NT5DC3: variants seen among roughly 807,000 people sequenced by gnomAD.
The protein encoded by NT5DC3 is 5'-nucleotidase domain containing 3, also known as 5'-nucleotidase domain-containing protein 3.
Under a neutral mutation model 67.8 loss-of-function variants are expected in NT5DC3, and 42 were observed. The ratio of observed to expected loss-of-function variants is 0.62; its 90% CI spans 0.48 to 0.80. NT5DC3 has a LOEUF of 0.80. Among genes scored for constraint, NT5DC3 ranks in the 30% least tolerant of loss-of-function variants. The pLI is 0.00. For synonymous variants in NT5DC3, 237 were observed against 255.6 expected (o/e 0.93, Z 0.69); for missense variants, 570 against 696.4 (o/e 0.82, Z 2.04).
chr12:103,799,684 T>G (rs1180465174), intron 4 of NT5DC3, among the ~76,000 whole-genome samples: 1 of 151,906 alleles, frequency 6.6e-6, no homozygotes, highest in Non-Finnish European at 1.5e-5. Context: ...GGAAGCCCTG[T>G]GGCACCACCA....
At chr12:103,767,776 A>T (rs1332937159), downstream of NT5DC3, among the ~76,000 whole-genome samples, 1 of 151,860 alleles carries the variant, frequency 6.6e-6, no homozygotes, top group Admixed American at 6.6e-5. Flanking sequence ...GCCAGGTGTT[A>T]GGCACAGTTA....
intron 1 of NT5DC3, chr12:103,820,786 A>T (rs1295481043): frequency 6.6e-6 from 1 of 152,248 alleles, no homozygotes; most frequent in Non-Finnish European, 1.5e-5. Context: ...ACTTGCTCTC[A>T]TCGTTATCCC....
the NT5DC3 span, among the ~76,000 whole-genome samples, chr12:103,762,945 A>T: frequency 1.3e-5 from 2 of 152,212 alleles, no homozygotes; most frequent in African/African-American, 2.4e-5. Context: ...GCGGTTGAGC[A>T]TCTTTCCTTA....
At chr12:103,763,274 TTGG>T in the NT5DC3 span, 8 of 562,794 alleles carry the variant, frequency 1.4e-5, no homozygotes, top group Non-Finnish European at 2.2e-5. Flanking sequence ...ATGTGCCGAT[TTGG>T]TGGTGATCAC....
intron 4 of NT5DC3, among the ~76,000 whole-genome samples, chr12:103,801,584 T>G (rs548776967): frequency 5.7e-4 from 86 of 151,966 alleles, no homozygotes; most frequent in African/African-American, 2.1e-3. Flanking sequence ...GGTTTCACCA[T>G]GTTAGCCAGG....
the NT5DC3 span, among the ~76,000 whole-genome samples, chr12:103,765,120 G>C: frequency 1.3e-5 from 2 of 148,256 alleles, no homozygotes; most frequent in South Asian, 2.1e-4. Context: ...AAGGGAGGTG[G>C]TAAGTTCAGC....
chr12:103,812,110 A>G (rs1415416264), intron 2 of NT5DC3, among the ~76,000 whole-genome samples: 1 of 152,170 alleles, frequency 6.6e-6, no homozygotes, highest in Non-Finnish European at 1.5e-5. Flanking sequence ...AAAAATTTCC[A>G]TTTTTGTAAA....
At chr12:103,831,392 G>C (rs10861111) in intron 1 of NT5DC3, among the ~76,000 whole-genome samples, 3 of 151,950 alleles carry the variant, frequency 2.0e-5, no homozygotes, top group Non-Finnish European at 4.4e-5. Context: ...CCCAGTCTCC[G>C]GTATTTCTTC....
chr12:103,768,634 TGAGAGAGA>T (rs58287606), downstream of NT5DC3, among the ~76,000 whole-genome samples: 1 of 24,870 alleles, frequency 4.0e-5, no homozygotes, highest in Non-Finnish European at 7.7e-5. Context: ...GGAGAGGGAG[TGAGAGAGA>T]GAGAGAGAGA....
At position 103,799,319 on chromosome 12, in the gene NT5DC3, A is replaced by G. The variant is rs575780816; in HGVS notation, c.525-642T>C. Among the ~76,000 whole-genome samples, 3 of 152,318 alleles carry G rather than the reference A, an allele frequency of 2.0e-5. No homozygotes were observed. In the East Asian group the frequency reaches 5.8e-4, roughly 29 times the overall value. On this transcript the variant is annotated intron_variant, in intron 4 of 13. Coordinates refer to ENST00000392876, the MANE Select transcript of NT5DC3 (RefSeq NM_001031701.3). ...AATCTCATCTTGAATTGTAGCTCCT[A>G]TAATTCCCAGATTGTGGGAGGGACC...
At chr12:103,786,762 A>G (rs1437926708) in intron 11 of NT5DC3, among the ~76,000 whole-genome samples, 1 of 148,140 alleles carries the variant, frequency 6.8e-6, no homozygotes, top group East Asian at 2.0e-4. Flanking sequence ...AGCTCACTGC[A>G]GTTTCCACCT....
chr12:103,801,019 G>C lies in NT5DC3; in HGVS notation c.525-2342C>G, dbSNP rs112893960. ...TGTGGCTGTGAAAGGAACCACCCCAGCTTTTCACAAGGTTCCTAGTAAAAA... is the reference window on the plus strand; with the variant it reads ...TGTGGCTGTGAAAGGAACCACCCCACCTTTTCACAAGGTTCCTAGTAAAAA... On this transcript the variant is annotated intron_variant, in intron 4 of 13. Transcript: ENST00000392876. Among the ~76,000 whole-genome samples, 454 of 152,194 alleles carry C rather than the reference G, an allele frequency of 3.0e-3. 6 individuals are homozygous for C. The highest frequency in any genetic ancestry group is 1.8e-3 in the Non-Finnish European group (121 of 67,976).
At chr12:103,824,549 C>T (rs1363761239) in intron 1 of NT5DC3, among the ~76,000 whole-genome samples, 3 of 152,214 alleles carry the variant, frequency 2.0e-5, no homozygotes, top group Admixed American at 1.3e-4. Flanking sequence ...GAGGTGGGTA[C>T]CAGATTCAAG....
At chr12:103,749,925 C>T in the NT5DC3 span, among the ~76,000 whole-genome samples, 1 of 147,994 alleles carries the variant, frequency 6.8e-6, no homozygotes, top group Non-Finnish European at 1.5e-5. Context: ...AGATAATGTC[C>T]GTTCCTGGTT....
At chr12:103,785,750 GTAAAAAAAAAAAA>G (rs1566100930) in intron 11 of NT5DC3, 1 of 278,134 alleles carries the variant, frequency 3.6e-6, no homozygotes, top group Admixed American at 5.3e-5. Context: ...ACCATGGTCT[GTAAAAAAAAAAAA>G]AAAAAAAAAA....
intron 12 of NT5DC3, among the ~76,000 whole-genome samples, chr12:103,781,932 C>T (rs1317397843): frequency 6.6e-6 from 1 of 152,180 alleles, no homozygotes; most frequent in Non-Finnish European, 1.5e-5. Context: ...TATCTTTGCC[C>T]TTGTTTGAGA....
chr12:103,780,252 G>C (rs2139302222), intron 13 of NT5DC3, 48 bp downstream of exon 13: 1 of 1,517,062 alleles, frequency 6.6e-7, no homozygotes, highest in East Asian at 2.3e-5. Context: ...GCTGAGCACA[G>C]CCAGAACAGG....
chr12:103,820,283 T>C (rs560787619), intron 1 of NT5DC3, among the ~76,000 whole-genome samples: 1 of 152,370 alleles, frequency 6.6e-6, no homozygotes, highest in Admixed American at 6.5e-5. Context: ...TTGAATCATA[T>C]GGTAATCCTA....
intron 12 of NT5DC3, among the ~76,000 whole-genome samples, chr12:103,781,881 G>A (rs1885567021): frequency 6.6e-6 from 1 of 152,166 alleles, no homozygotes; most frequent in African/African-American, 2.4e-5. Flanking sequence ...GGTTGTTCAT[G>A]GGCATAATCA....
Sources: allele counts gnomAD v4.1 joint callset (sites outside exome capture counted in the v4.1 genomes callset), GRCh38; gene constraint gnomAD v4.1.1; transcripts MANE v1.5; gene names NCBI Gene and HGNC (gene_info 2026-07-23, HGNC 2026-07-21).